Variants in PHYHIPL observed in about 807,000 individuals in gnomAD.
The protein encoded by PHYHIPL is phytanoyl-CoA 2-hydroxylase interacting protein like, also known as phytanoyl-CoA hydroxylase-interacting protein-like.
PHYHIPL carries 9 observed loss-of-function variants against 33.4 expected under a neutral mutation model. That is an observed-to-expected ratio of 0.27 (90% confidence interval 0.16 to 0.47). PHYHIPL has a LOEUF of 0.47. PHYHIPL is among the 20% of genes least tolerant of loss of function. PHYHIPL has a pLI of 0.99. For missense variants in PHYHIPL, 365 were observed against 460.7 expected (o/e 0.79, Z 1.90); for synonymous variants, 153 against 154.1 (o/e 0.99, Z 0.05).
chr10:59,230,847 A>G (rs1465203650), intron 1 of PHYHIPL, among the ~76,000 whole-genome samples: 1 of 152,130 alleles, frequency 6.6e-6, no homozygotes, highest in Non-Finnish European at 1.5e-5. Flanking sequence ...GATCATAGGT[A>G]GATTTAAAAT....
rs368422706 is a variant in PHYHIPL at position 59,247,768 on chromosome 10, C to T, written c.*2177C>T. ...AAACAAAAATACATTTGTTAGTTCA[C>T]AATGAATCAAGTCATTATTTAAACA... On this transcript the variant is annotated 3_prime_UTR_variant, in exon 5 of 5. Transcript: ENST00000373880. The T allele has an allele frequency of 1.2e-5, 19 of 1,596,834 alleles. No individual in the cohort carries two copies. The highest frequency in any genetic ancestry group is 1.7e-4 in the Middle Eastern group (1 of 6,046).
At chr10:59,242,743 A>T (rs1188207884) in intron 4 of PHYHIPL, among the ~76,000 whole-genome samples, 6 of 152,192 alleles carry the variant, frequency 3.9e-5, no homozygotes, top group Non-Finnish European at 8.8e-5. Flanking sequence ...GAACATAAAA[A>T]CACAGTAAGT....
chr10:59,234,340 A>G lies in PHYHIPL; in HGVS notation c.143A>G (p.Glu48Gly). The G allele has an allele frequency of 1.9e-6, 3 of 1,595,078 alleles. No homozygotes were observed. Among genetic ancestry groups the G allele is most frequent in the Non-Finnish European group, 2.6e-6 (3 of 1,173,776 alleles). ...KSQDSGIAEM[E>G]ELPVPHNIKI... ...CAAGACAGTGGCATAGCAGAGATGG[A>G]AGAACTTCCTGTACCACATAACATC... is the stretch of plus-strand genomic sequence containing the variant. The change falls in exon 2 of 5, where the codon GAA (glutamate) becomes GGA (glycine). Residue 48 changes from glutamate to glycine, a missense_variant. Coordinates refer to ENST00000373880, the MANE Select transcript of PHYHIPL (RefSeq NM_032439.4).
intron 1 of PHYHIPL, among the ~76,000 whole-genome samples, chr10:59,184,056 A>T (rs1053287428): frequency 2.6e-5 from 4 of 152,220 alleles, no homozygotes; most frequent in Admixed American, 2.0e-4. Flanking sequence ...AAATGCCAAC[A>T]AGAATTATGT....
At chr10:59,214,967 G>A (rs921770875) in intron 1 of PHYHIPL, among the ~76,000 whole-genome samples, 8 of 152,058 alleles carry the variant, frequency 5.3e-5, no homozygotes, top group African/African-American at 1.9e-4. Context: ...GATGATGAAT[G>A]TTTGTAGAGA....
intron 1 of PHYHIPL, among the ~76,000 whole-genome samples, chr10:59,209,780 C>T (rs953775608): frequency 6.6e-6 from 1 of 152,202 alleles, no homozygotes; most frequent in Non-Finnish European, 1.5e-5. Context: ...CTGCAACCAT[C>T]TAATCTTTGA....
At position 59,247,429 on chromosome 10, in the gene PHYHIPL, T is replaced by G. The variant is rs545614292; in HGVS notation, c.*1838T>G. 1.5e-6 allele frequency: 1 copy of G among 658,292 alleles called. No homozygotes were observed. The highest frequency in any genetic ancestry group is 1.9e-5 in the African/African-American group (1 of 53,740). 40.8% of individuals were successfully genotyped at this position (658,292 alleles called of 1,614,324 possible). On this transcript the variant is annotated 3_prime_UTR_variant, in exon 5 of 5. Coordinates refer to ENST00000373880, the MANE Select transcript of PHYHIPL (RefSeq NM_032439.4). ...AATTATATGGCTACCTGTTGTATTC[T>G]TCCCCCCGTTTAAATCCCTTCTCCT... is the stretch of plus-strand genomic sequence containing the variant.
chr10:59,227,135 T>G (rs1459200296), intron 1 of PHYHIPL, among the ~76,000 whole-genome samples: 2 of 152,194 alleles, frequency 1.3e-5, no homozygotes, highest in Non-Finnish European at 2.9e-5. Flanking sequence ...GGTCTCAGTC[T>G]ATTTTCTGTT....
At chr10:59,223,866 C>G (rs1211336580) in intron 1 of PHYHIPL, among the ~76,000 whole-genome samples, 1 of 151,884 alleles carries the variant, frequency 6.6e-6, no homozygotes, top group Admixed American at 6.6e-5. Flanking sequence ...CACTGTGTTG[C>G]CCAGGCTGGT....
rs1386659469 is a variant in PHYHIPL at position 59,177,394 on chromosome 10, CTT to C, written c.106+436_106+437del. The C allele has an allele frequency of 5.9e-6, 8 of 1,345,608 alleles. No homozygotes were observed. In the Admixed American group the frequency reaches 8.1e-5, roughly 14 times the overall value. 83.4% of individuals were successfully genotyped at this position (1,345,608 alleles called of 1,614,324 possible). A position where few individuals can be genotyped will look rare whatever the true frequency, so the allele number is the denominator to read the frequency against. Reference sequence around the variant, plus strand: ...ACTAGTTGGCATTCTCTTCCAGAAACTTATCATTTTCTTTTTTAAACCTCCCA... The same window carrying C: ...ACTAGTTGGCATTCTCTTCCAGAAACATCATTTTCTTTTTTAAACCTCCCA... On this transcript the variant is annotated intron_variant, in intron 1 of 4. Transcript: ENST00000373880.
intron 1 of PHYHIPL, among the ~76,000 whole-genome samples, chr10:59,215,465 G>A (rs1407933772): frequency 1.3e-5 from 2 of 152,024 alleles, no homozygotes; most frequent in Non-Finnish European, 2.9e-5. Context: ...AAGTCAGGGA[G>A]TAGACTGGTT....
chr10:59,234,205 G>A, intron 1 of PHYHIPL, 99 bp from the exon 2 acceptor site: 2 of 942,036 alleles, frequency 2.1e-6, no homozygotes, highest in Non-Finnish European at 3.1e-6. Flanking sequence ...TAAGGAGTAA[G>A]TCATCTCTAC....
chr10:59,245,243 C>A lies in PHYHIPL; in HGVS notation c.783C>A (p.Asn261Lys), dbSNP rs1840614261. Residue 261 changes from asparagine to lysine, a missense_variant, in exon 5 of 5, where the codon AAC becomes AAA. Coordinates refer to ENST00000373880, the MANE Select transcript of PHYHIPL (RefSeq NM_032439.4). ...AGATTGCCGCAGAAAAACTTTTTAA[C>A]CCCAATACTAACTTATACTTTGGGG... ...RFEIAAEKLFNPNTNLYFGDF... is the reference protein window; with the variant it reads ...RFEIAAEKLFKPNTNLYFGDF... 5.6e-6 allele frequency: 9 copies of A among 1,613,984 alleles called. 1 individual carries two copies. The highest frequency in any genetic ancestry group is 7.6e-6 in the Non-Finnish European group (9 of 1,180,014).
At chr10:59,197,773 T>TAAA (rs376009781) in intron 1 of PHYHIPL, among the ~76,000 whole-genome samples, 28 of 152,224 alleles carry the variant, frequency 1.8e-4, no homozygotes, top group African/African-American at 6.8e-4. Flanking sequence ...CCTTTACATT[T>TAAA]GGTCTTAAAA....
chr10:59,198,299 G>T (rs12780648), intron 1 of PHYHIPL, among the ~76,000 whole-genome samples: 1 of 151,896 alleles, frequency 6.6e-6, no homozygotes, highest in Non-Finnish European at 1.5e-5. Context: ...GAGAACATGC[G>T]GTGTTTGGTT....
At chr10:59,205,590 A>G (rs752011959) in intron 1 of PHYHIPL, among the ~76,000 whole-genome samples, 3 of 152,166 alleles carry the variant, frequency 2.0e-5, no homozygotes, top group Non-Finnish European at 4.4e-5. Flanking sequence ...CTAGTTACCA[A>G]TATGCTAGAG....
Position 59,196,415 on chromosome 10 carries a change from A to AT in PHYHIPL, c.106+19473dup, listed in dbSNP as rs59368905. On this transcript the variant is annotated intron_variant, in intron 1 of 4. Transcript: ENST00000373880. ...CTGCACTTATGAGTACACTGTCAAC[A>AT]TTTTTTTTTTTTTTTTTGAGATAGA... Among the ~76,000 whole-genome samples the AT allele has an allele frequency of 5.0e-3, 677 of 136,538 alleles. 3 individuals are homozygous for AT. The highest frequency in any genetic ancestry group is 0.012 in the African/African-American group (433 of 37,252). The allele number at this position is 136,538 out of a possible 152,430, so 89.6% of individuals were successfully genotyped here. A position where few individuals can be genotyped will look rare whatever the true frequency, so the allele number is the denominator to read the frequency against.
chr10:59,200,671 T>A (rs1839074820), intron 1 of PHYHIPL, among the ~76,000 whole-genome samples: 1 of 152,186 alleles, frequency 6.6e-6, no homozygotes, highest in Non-Finnish European at 1.5e-5. Context: ...AATTCGGCTG[T>A]GAATCCATCT....
At chr10:59,176,397 C>A (rs1262703282), upstream of PHYHIPL, among the ~76,000 whole-genome samples, 1 of 152,232 alleles carries the variant, frequency 6.6e-6, no homozygotes, top group Middle Eastern at 3.4e-3. Flanking sequence ...AGCGCTCGCC[C>A]TTCCCGCGCG....
Sources: gnomAD v4.1 joint callset for allele counts (sites outside exome capture counted in the v4.1 genomes callset) on GRCh38, gnomAD v4.1.1 for gene constraint, MANE v1.5 for transcripts, NCBI Gene and HGNC (gene_info 2026-07-23, HGNC 2026-07-21) for gene names.